The following ZNF568 variants were observed in gnomAD, a reference collection of about 807,000 sequenced individuals.
ZNF568 encodes the protein p53 inhibitor of SCO2 activation.
A neutral mutation model predicts 18.1 loss-of-function variants in ZNF568; 11 were observed. The observed-to-expected ratio is 0.61, with a 90% confidence interval of 0.38 to 1.00. ZNF568 has a LOEUF of 1.00. Among genes scored for constraint, ZNF568 ranks in the 50% least tolerant of loss-of-function variants. The probability of loss-of-function intolerance (pLI) is 0.01; values close to 1 mark genes in which losing one functional copy is unlikely to be tolerated. For synonymous variants in ZNF568, 213 were observed against 246.6 expected (o/e 0.86, Z 1.28); for missense variants, 639 against 768.2 (o/e 0.83, Z 1.99).
chr19:36,949,446 G>A (rs2074019921), intron 6 of ZNF568, 66 bp from the exon 7 acceptor site: 4 of 1,457,420 alleles, frequency 2.7e-6, no homozygotes, highest in Non-Finnish European at 2.7e-6. Flanking sequence ...GCCTATTTCT[G>A]ATATGTTATT....
downstream of ZNF568, among the ~76,000 whole-genome samples, chr19:36,982,352 T>G (rs1208332683): frequency 6.6e-6 from 1 of 152,174 alleles, no homozygotes; most frequent in Non-Finnish European, 1.5e-5. Flanking sequence ...AATTCGCTCT[T>G]GAGTTTTTAT....
chr19:36,977,201 G>A (rs1009837817), intron 7 of ZNF568, among the ~76,000 whole-genome samples: 5 of 152,070 alleles, frequency 3.3e-5, no homozygotes, highest in African/African-American at 1.2e-4. Flanking sequence ...CACAAAAATA[G>A]AATAGTTACT....
chr19:36,947,962 C>T, intron 6 of ZNF568, among the ~76,000 whole-genome samples: 1 of 152,148 alleles, frequency 6.6e-6, no homozygotes, highest in Non-Finnish European at 1.5e-5. Flanking sequence ...CATCAATGAA[C>T]CTTCATTACT....
At chr19:36,969,272 A>G (rs1363751) in intron 6 of ZNF568, among the ~76,000 whole-genome samples, 88,820 of 152,054 alleles carry the variant, frequency 0.58, 27,041 homozygotes, top group African/African-American at 0.74. Context: ...TATTGGGGAC[A>G]TACCCAAAGA....
intron 4 of ZNF568, among the ~76,000 whole-genome samples, chr19:36,927,866 A>G (rs540660122): frequency 2.2e-3 from 113 of 51,200 alleles, no homozygotes; most frequent in East Asian, 0.013. Context: ...GTGTGTATAT[A>G]TATATATATA....
chr19:36,997,598 G>A (rs746782932), downstream of ZNF568: 9 of 1,552,670 alleles, frequency 5.8e-6, no homozygotes, highest in Non-Finnish European at 6.9e-6. Context: ...GAACTTAGTT[G>A]ACACCAGAAA....
chr19:36,947,391 G>A (rs1391921767), intron 6 of ZNF568, among the ~76,000 whole-genome samples: 1 of 152,102 alleles, frequency 6.6e-6, no homozygotes, highest in Non-Finnish European at 1.5e-5. Flanking sequence ...CCTATGTGTA[G>A]GTACATGCCA....
intron 4 of ZNF568, chr19:36,991,979 G>A (rs940048279): frequency 2.0e-5 from 13 of 663,662 alleles, no homozygotes; most frequent in Non-Finnish European, 2.4e-5. Context: ...AGAAAGTAAG[G>A]ATGTTGTAAT....
chr19:36,921,392 C>T (rs1431687021), intron 2 of ZNF568, among the ~76,000 whole-genome samples: 4 of 151,426 alleles, frequency 2.6e-5, no homozygotes, highest in Admixed American at 6.6e-5. Flanking sequence ...ACCCAGGAGG[C>T]GGAGGTTGCA....
At chr19:36,958,937 T>G (rs967356194) in intron 6 of ZNF568, among the ~76,000 whole-genome samples, 4 of 152,126 alleles carry the variant, frequency 2.6e-5, no homozygotes, top group African/African-American at 9.7e-5. Context: ...AGTCTTTAGA[T>G]TTTCCTAGAT....
downstream of ZNF568, among the ~76,000 whole-genome samples, chr19:36,982,005 A>G (rs954453144): frequency 6.6e-6 from 1 of 151,764 alleles, no homozygotes; most frequent in Non-Finnish European, 1.5e-5. Flanking sequence ...TTGATTTTAT[A>G]TCCCCCCACC....
At chr19:36,972,912 G>T (rs1600843116) in intron 6 of ZNF568, among the ~76,000 whole-genome samples, 2 of 152,240 alleles carry the variant, frequency 1.3e-5, no homozygotes, top group Admixed American at 1.3e-4. Context: ...CCCTTCCCGG[G>T]TTTGCGGCTA....
chr19:36,924,483 C>T (rs2073514491), intron 3 of ZNF568, among the ~76,000 whole-genome samples: 2 of 99,884 alleles, frequency 2.0e-5, no homozygotes, highest in Admixed American at 2.3e-4. Context: ...TCCCAAAGTG[C>T]TGGGATTACA....
downstream of ZNF568, among the ~76,000 whole-genome samples, chr19:36,953,627 T>C (rs1257721768): frequency 6.6e-6 from 1 of 152,176 alleles, no homozygotes; most frequent in East Asian, 1.9e-4. Flanking sequence ...AAAAAGGAGA[T>C]AGGGCCAGAC....
At chr19:36,994,128 C>T (rs1241277332) in intron 4 of ZNF568, among the ~76,000 whole-genome samples, 1 of 151,376 alleles carries the variant, frequency 6.6e-6, no homozygotes, top group Non-Finnish European at 1.5e-5. Flanking sequence ...TCATTTATCT[C>T]AAAATATTTT....
downstream of ZNF568, among the ~76,000 whole-genome samples, chr19:36,956,926 A>G (rs2074111454): frequency 1.3e-5 from 2 of 152,184 alleles, no homozygotes; most frequent in South Asian, 4.1e-4. Context: ...ATTTGAAACT[A>G]ATAAACTCAT....
Position 36,916,876 on chromosome 19 carries a change from T to C in ZNF568, c.-256+285T>C, listed in dbSNP as rs1010127883. ...TTGGTAACGGCTTGAAAAACACTTATTTGTTTTCTACTGATCCTCCCTCCT... is the reference window on the plus strand; with the variant it reads ...TTGGTAACGGCTTGAAAAACACTTACTTGTTTTCTACTGATCCTCCCTCCT... On this transcript the variant is annotated intron_variant, in intron 1 of 6. Transcript: ENST00000333987. The surrounding 1 kb of genome is among the most constrained non-coding windows in gnomAD (Gnocchi z 5.3). 1.8e-4 allele frequency among the ~76,000 whole-genome samples: 27 copies of C among 152,132 alleles called. No individual in the cohort carries two copies. Among genetic ancestry groups the C allele is most frequent in the Non-Finnish European group, 3.2e-4 (22 of 68,018 alleles).
At chr19:36,979,400 A>T (rs899845668) in exon 8 of ZNF568, 2 of 152,314 alleles carry the variant, frequency 1.3e-5, no homozygotes, top group African/African-American at 4.8e-5. Flanking sequence ...TAGAAATCCC[A>T]TGTGTGCTTT....
chr19:36,945,364 C>T (rs73618491), intron 6 of ZNF568, among the ~76,000 whole-genome samples: 1,527 of 151,900 alleles, frequency 0.01, 31 homozygotes, highest in African/African-American at 0.035. Context: ...ACAGCAAGAC[C>T]GACCTCCTCC....
Sources: gnomAD v4.1 joint callset for allele counts (sites outside exome capture counted in the v4.1 genomes callset) on GRCh38, gnomAD v4.1.1 for gene constraint, Gnocchi (gnomAD v3.1) non-coding constraint, MANE v1.5 for transcripts, NCBI Gene and HGNC (gene_info 2026-07-23, HGNC 2026-07-21) for gene names.